The following LINGO2 variants were observed in gnomAD, a reference collection of about 807,000 sequenced individuals.
LINGO2 encodes the protein leucine-rich repeat and immunoglobulin-like domain-containing nogo receptor-interacting protein 2.
In LINGO2, 14 loss-of-function variants were observed where a neutral mutation model predicts 30.6. That is an observed-to-expected ratio of 0.46 (90% CI 0.30 to 0.72). LINGO2 has a LOEUF of 0.72. Ranked by LOEUF, LINGO2 falls within the 30% of genes least tolerant of loss-of-function variation. The pLI, the probability that LINGO2 is intolerant of heterozygous loss-of-function variation, is 0.07. For synonymous variants in LINGO2, 317 were observed against 288.5 expected (o/e 1.10, Z -1.00); for missense variants, 729 against 751.7 (o/e 0.97, Z 0.35).
chr9:28,660,652 G>C (rs1022956627), intron 1 of LINGO2, among the ~76,000 whole-genome samples: 8 of 152,028 alleles, frequency 5.3e-5, no homozygotes, highest in African/African-American at 1.7e-4. Flanking sequence ...ATTGGATTAA[G>C]GAAGAACATA....
At chr9:29,210,627 A>T in the LINGO2 span, among the ~76,000 whole-genome samples, 1 of 152,208 alleles carries the variant, frequency 6.6e-6, no homozygotes, top group Admixed American at 6.5e-5. Context: ...CTTCCCTGAG[A>T]TAATGCTATG....
intron 2 of LINGO2, among the ~76,000 whole-genome samples, chr9:28,433,288 TCAC>T (rs1823757071): frequency 6.6e-6 from 1 of 151,518 alleles, no homozygotes; most frequent in African/African-American, 2.4e-5. Context: ...CTGTGACCCT[TCAC>T]CCCTATATAA....
intron 1 of LINGO2, among the ~76,000 whole-genome samples, chr9:28,515,590 T>G (rs1022855383): frequency 1.3e-5 from 2 of 152,206 alleles, no homozygotes; most frequent in African/African-American, 4.8e-5. Context: ...CCAAGAGAAC[T>G]AGAAGCAGAA....
At chr9:28,317,460 G>GT (rs1219698310) in intron 3 of LINGO2, among the ~76,000 whole-genome samples, 1 of 152,120 alleles carries the variant, frequency 6.6e-6, no homozygotes, top group East Asian at 1.9e-4. Context: ...AACTTTATTA[G>GT]TAAAACCTTT....
At chr9:28,399,453 A>G (rs1315346478) in intron 2 of LINGO2, among the ~76,000 whole-genome samples, 2 of 152,230 alleles carry the variant, frequency 1.3e-5, no homozygotes, top group African/African-American at 4.8e-5. Flanking sequence ...GTAGATTTAC[A>G]TGTAAATATT....
intron 1 of LINGO2, among the ~76,000 whole-genome samples, chr9:28,586,484 A>G (rs909280165): frequency 1.3e-5 from 2 of 152,056 alleles, no homozygotes; most frequent in African/African-American, 2.4e-5. Context: ...TAAAATAATC[A>G]TATCATAATA....
chr9:29,211,528 T>G, the LINGO2 span, among the ~76,000 whole-genome samples: 1 of 152,090 alleles, frequency 6.6e-6, no homozygotes, highest in East Asian at 1.9e-4. Flanking sequence ...CTTCCTCTTC[T>G]GATGCTCAGA....
At chr9:28,560,269 AT>A (rs1395215931) in intron 1 of LINGO2, among the ~76,000 whole-genome samples, 1 of 152,172 alleles carries the variant, frequency 6.6e-6, no homozygotes, top group Middle Eastern at 3.4e-3. Context: ...GTAAGATTAC[AT>A]TTAAATCAGC....
chr9:28,355,861 A>T (rs1359056221), intron 3 of LINGO2, among the ~76,000 whole-genome samples: 1 of 152,210 alleles, frequency 6.6e-6, no homozygotes, highest in Non-Finnish European at 1.5e-5. Context: ...TATTGTTGCC[A>T]GCGTGAGTAT....
chr9:28,947,457 T>C, the LINGO2 span, among the ~76,000 whole-genome samples: 1 of 152,068 alleles, frequency 6.6e-6, no homozygotes, highest in East Asian at 1.9e-4. Flanking sequence ...AATATCTACC[T>C]CTTAAGGCTG....
At chr9:28,690,951 C>T in the LINGO2 span, among the ~76,000 whole-genome samples, 1 of 152,112 alleles carries the variant, frequency 6.6e-6, no homozygotes, top group Non-Finnish European at 1.5e-5. Flanking sequence ...GTATATAGAA[C>T]AGGTAAAGCA....
intron 4 of LINGO2, among the ~76,000 whole-genome samples, chr9:28,067,542 C>T (rs1354257763): frequency 1.3e-5 from 2 of 152,024 alleles, no homozygotes; most frequent in Non-Finnish European, 2.9e-5. Flanking sequence ...GCTGTGTGAC[C>T]TCGGACGATG....
At chr9:29,193,606 A>C in the LINGO2 span, among the ~76,000 whole-genome samples, 11 of 152,276 alleles carry the variant, frequency 7.2e-5, no homozygotes, top group African/African-American at 2.6e-4. Context: ...TCCCCTAGTC[A>C]TGTTTGTCTC....
intron 2 of LINGO2, among the ~76,000 whole-genome samples, chr9:28,468,233 A>G (rs1011072611): frequency 1.3e-5 from 2 of 152,154 alleles, no homozygotes; most frequent in African/African-American, 2.4e-5. Context: ...TCTTTATCCT[A>G]TGTTGTGCTT....
chr9:28,969,202 G>A, the LINGO2 span, among the ~76,000 whole-genome samples: 1 of 152,052 alleles, frequency 6.6e-6, no homozygotes, highest in Non-Finnish European at 1.5e-5. Flanking sequence ...AAAAAGAGCA[G>A]ATTAAGGCAT....
At chr9:28,905,595 T>C in the LINGO2 span, among the ~76,000 whole-genome samples, 1 of 152,118 alleles carries the variant, frequency 6.6e-6, no homozygotes, top group East Asian at 1.9e-4. Flanking sequence ...ATGAATTTTA[T>C]GTCTACATGT....
At chr9:28,002,778 C>T (rs750929860) in intron 5 of LINGO2, among the ~76,000 whole-genome samples, 2 of 146,590 alleles carry the variant, frequency 1.4e-5, no homozygotes, top group Non-Finnish European at 3.0e-5. Flanking sequence ...GTGGAGATGG[C>T]ACATTCTCCC....
chr9:28,526,231 C>T (rs189139885), intron 1 of LINGO2, among the ~76,000 whole-genome samples: 2 of 152,150 alleles, frequency 1.3e-5, no homozygotes, highest in East Asian at 3.9e-4. Context: ...CTTGGAACAT[C>T]AAGACACGTC....
the LINGO2 span, among the ~76,000 whole-genome samples, chr9:29,062,884 C>A: frequency 6.6e-6 from 1 of 152,070 alleles, no homozygotes; most frequent in African/African-American, 2.4e-5. Flanking sequence ...CAATGTCTTT[C>A]CAGTTTCTTT....
Sources: allele counts gnomAD v4.1 joint callset (sites outside exome capture counted in the v4.1 genomes callset), GRCh38; gene constraint gnomAD v4.1.1; transcripts MANE v1.5; gene names NCBI Gene and HGNC (gene_info 2026-07-23, HGNC 2026-07-21).